The following ADCY8 variants were observed in gnomAD, a reference collection of about 807,000 sequenced individuals.
ADCY8 encodes adenylate cyclase 8.
A neutral mutation model predicts 119.7 loss-of-function variants in ADCY8; 51 were observed. The observed-to-expected ratio is 0.43, with a 90% confidence interval of 0.34 to 0.54. The LOEUF (loss-of-function observed/expected upper bound fraction) is 0.54. ADCY8 is among the 20% of genes least tolerant of loss of function. The pLI, the probability that ADCY8 is intolerant of heterozygous loss-of-function variation, is 0.03. For synonymous variants in ADCY8, 665 were observed against 651.0 expected, an observed-to-expected ratio of 1.02 and a Z score of -0.33; for missense variants, 1,383 against 1,598.8, an observed-to-expected ratio of 0.87 and a Z score of 2.30.
In ADCY8 at chr8:130,780,444, G is replaced by T; in HGVS notation, c.3702C>A (p.Ser1234Arg). 6.2e-7 allele frequency: 1 copy of T among 1,612,926 alleles called. No homozygotes were observed. Among genetic ancestry groups the T allele is most frequent in the African/African-American group, 1.3e-5 (1 of 74,686 alleles). ...CAGCCTGGGCTCCAGGCTCTGTGCC[G>T]CTGGGTGACAACAAAGTCCGCCGGT... ...HYNRRTLLSP[S>R]GTEPGAQAEG... Residue 1234 changes from serine to arginine, a missense_variant, in exon 18 of 18, where the codon AGC becomes AGA. Ser to Arg is a moderately radical substitution (Grantham distance 110, BLOSUM62 -1). Coordinates refer to ENST00000286355, the MANE Select transcript of ADCY8 (RefSeq NM_001115.3).
rs78200825 is a variant in ADCY8 at position 130,859,887 on chromosome 8, T to G, written c.2210+7959A>C. On this transcript the variant is annotated intron_variant, in intron 9 of 17. Transcript: ENST00000286355. ...TGTCTTTTCCAGAACATTATATAAATGGAATAATATATATAAAGCCTTTCA... is the reference window on the plus strand; with the variant it reads ...TGTCTTTTCCAGAACATTATATAAAGGGAATAATATATATAAAGCCTTTCA... Among the ~76,000 whole-genome samples the G allele has an allele frequency of 7.8e-3, 1,183 of 152,312 alleles. 16 individuals are homozygous for G. The highest frequency in any genetic ancestry group is 0.027 in the African/African-American group (1,135 of 41,576).
intron 5 of ADCY8, among the ~76,000 whole-genome samples, chr8:130,915,326 C>T (rs1247644132): frequency 6.6e-6 from 1 of 152,062 alleles, no homozygotes; most frequent in Admixed American, 6.5e-5. Context: ...TCTTTTTAGA[C>T]AATTAATCCA....
chr8:130,948,240 A>G (rs139814735), intron 3 of ADCY8, among the ~76,000 whole-genome samples: 53 of 152,356 alleles, frequency 3.5e-4, no homozygotes, highest in African/African-American at 1.2e-3. Context: ...AGATAGCATT[A>G]CCCTAATGAA....
intron 12 of ADCY8, among the ~76,000 whole-genome samples, chr8:130,829,157 C>A (rs1428815007): frequency 6.6e-6 from 1 of 152,200 alleles, no homozygotes; most frequent in Admixed American, 6.5e-5. Context: ...ACATTCAACA[C>A]CGTGCCTGGA....
chr8:130,850,902 T>C (rs909277522), intron 9 of ADCY8, among the ~76,000 whole-genome samples: 1 of 152,206 alleles, frequency 6.6e-6, no homozygotes, highest in Non-Finnish European at 1.5e-5. Context: ...ATTTTATATA[T>C]AATATCTAAT....
chr8:130,780,599 G>C lies in ADCY8; in HGVS notation c.3547C>G (p.Pro1183Ala), dbSNP rs1249701712. 3 of 1,614,076 alleles carry C rather than the reference G, an allele frequency of 1.9e-6. No homozygotes were observed. The highest frequency in any genetic ancestry group is 2.5e-6 in the Non-Finnish European group (3 of 1,180,040). Residue 1183 changes from proline (P) to alanine (A), a missense_variant, in exon 18 of 18, where the codon CCA becomes GCA. By Grantham distance (27) the Pro-to-Ala change is conservative. Coordinates refer to ENST00000286355, the MANE Select transcript of ADCY8 (RefSeq NM_001115.3). ...GAGTACTGCCCAGGCAGTCTTCTTG[G>C]GGGCAAGATGAATGGGTTGGGTTGG... ...RVQPNPFILP[P>A]RRLPGQYSLA... is the part of the protein sequence containing the mutation.
At chr8:130,856,094 C>T (rs1400863129) in intron 9 of ADCY8, among the ~76,000 whole-genome samples, 1 of 152,042 alleles carries the variant, frequency 6.6e-6, no homozygotes, top group African/African-American at 2.4e-5. Flanking sequence ...TTTTCCATGA[C>T]CTGGTGAGCT....
chr8:130,879,089 C>T (rs935524859), intron 8 of ADCY8, among the ~76,000 whole-genome samples: 2 of 152,126 alleles, frequency 1.3e-5, no homozygotes, highest in Admixed American at 6.5e-5. Flanking sequence ...GCTACTCTGG[C>T]TTGGAAACAT....
intron 1 of ADCY8, among the ~76,000 whole-genome samples, chr8:130,998,619 C>A (rs1048499154): frequency 6.6e-6 from 1 of 152,104 alleles, no homozygotes; most frequent in Non-Finnish European, 1.5e-5. Context: ...GTCACTTGGG[C>A]GACTGGGAAG....
intron 2 of ADCY8, among the ~76,000 whole-genome samples, chr8:130,975,458 A>G (rs747218284): frequency 2.6e-5 from 4 of 152,218 alleles, no homozygotes; most frequent in Non-Finnish European, 4.4e-5. Context: ...CAGGAGCAAG[A>G]AACTCCCAAC....
At chr8:130,938,911 A>C (rs1276864932) in intron 4 of ADCY8, among the ~76,000 whole-genome samples, 1 of 152,170 alleles carries the variant, frequency 6.6e-6, no homozygotes, top group African/African-American at 2.4e-5. Context: ...ATTAGGTCTG[A>C]TTCATTAAAT....
intron 7 of ADCY8, among the ~76,000 whole-genome samples, chr8:130,894,767 T>G (rs1819325925): frequency 6.6e-6 from 1 of 152,212 alleles, no homozygotes; most frequent in African/African-American, 2.4e-5. Flanking sequence ...TTTCTCTGGC[T>G]AGAATTCAGT....
At chr8:130,990,642 T>G in intron 1 of ADCY8, 100 bp from the exon 2 acceptor site, 1 of 1,443,154 alleles carries the variant, frequency 6.9e-7, no homozygotes, top group Non-Finnish European at 9.5e-7. Flanking sequence ...TAAATCCTAA[T>G]GTAGTAATCC....
chr8:130,803,989 G>T (rs1416235123), intron 14 of ADCY8, among the ~76,000 whole-genome samples: 1 of 152,198 alleles, frequency 6.6e-6, no homozygotes, highest in Non-Finnish European at 1.5e-5. Flanking sequence ...CAGAGCAAAG[G>T]TAAATGGCTT....
At chr8:130,801,508 T>G (rs186135069) in intron 14 of ADCY8, among the ~76,000 whole-genome samples, 1 of 152,336 alleles carries the variant, frequency 6.6e-6, no homozygotes, top group African/African-American at 2.4e-5. Context: ...TCTTTCTCAT[T>G]TCTTTCTCCT....
chr8:130,846,817 CT>C lies in ADCY8; in HGVS notation c.2502+606del, dbSNP rs1305720591. Among the ~76,000 whole-genome samples the C allele has an allele frequency of 1.1e-3, 89 of 80,874 alleles. 4 individuals carry two copies. The highest frequency in any genetic ancestry group is 3.9e-3 in the African/African-American group (85 of 21,784). The allele number at this position is 80,874 out of a possible 152,430, so 53.1% of individuals were successfully genotyped here. On this transcript the variant is annotated intron_variant, in intron 11 of 17. Coordinates refer to ENST00000286355, the MANE Select transcript of ADCY8 (RefSeq NM_001115.3). ...CTCCTTCCTTCCTTCCCTCCCCTCC[CT>C]TTCCTTCCTTCCCTCCCCTCCCCTT...
intron 2 of ADCY8, among the ~76,000 whole-genome samples, chr8:130,967,318 T>A (rs1821792295): frequency 6.6e-6 from 1 of 152,230 alleles, no homozygotes; most frequent in African/African-American, 2.4e-5. Flanking sequence ...CTAGGAATTT[T>A]GGTTCTGCTC....
At chr8:130,811,376 T>C (rs1223823650) in intron 14 of ADCY8, among the ~76,000 whole-genome samples, 1 of 152,196 alleles carries the variant, frequency 6.6e-6, no homozygotes, top group East Asian at 1.9e-4. Flanking sequence ...GTAACATAAA[T>C]GGCAGGGTAC....
intron 7 of ADCY8, among the ~76,000 whole-genome samples, chr8:130,900,234 C>T (rs1819550600): frequency 6.6e-6 from 1 of 152,164 alleles, no homozygotes. Context: ...CAAATGGATA[C>T]AGATACAGGG....
Sources: gnomAD v4.1 joint callset for allele counts (sites outside exome capture counted in the v4.1 genomes callset) on GRCh38, gnomAD v4.1.1 for gene constraint, MANE v1.5 for transcripts, NCBI Gene and HGNC (gene_info 2026-07-23, HGNC 2026-07-21) for gene names.